The following CEP250 variants were observed in gnomAD, a reference collection of about 807,000 sequenced individuals.
CEP250 encodes the protein centrosomal protein 250.
CEP250 carries 242 observed loss-of-function variants against 315.7 expected under a neutral mutation model. That is an observed-to-expected ratio of 0.77 (90% CI 0.69 to 0.85). The LOEUF is 0.85. Among genes scored for constraint, CEP250 ranks in the 40% least tolerant of loss-of-function variants. The pLI is 0.00. For missense variants in CEP250, 2,515 were observed against 2,886.4 expected (o/e 0.87, Z 2.95); for synonymous variants, 1,088 against 1,175.0 (o/e 0.93, Z 1.51).
chr20:35,460,585 G>A (rs1025045470), intron 3 of CEP250, among the ~76,000 whole-genome samples: 5 of 152,196 alleles, frequency 3.3e-5, no homozygotes, highest in East Asian at 1.9e-4. Flanking sequence ...CTGTCTAAAC[G>A]GGCAGGCACT....
At chr20:35,472,285 G>A in intron 11 of CEP250, 134 bp downstream of exon 11, 1 of 647,528 alleles carries the variant, frequency 1.5e-6, no homozygotes, top group South Asian at 1.8e-5. Flanking sequence ...TGAGTTTTGT[G>A]TGTTTGAAGA....
In CEP250 at chr20:35,473,957, A is replaced by G; in HGVS notation, c.1476A>G (p.Val492=). The change falls in exon 14 of 35, where the codon GTA becomes GTG. Residue 492 remains valine (V), a synonymous_variant. Coordinates refer to ENST00000397527, the MANE Select transcript of CEP250 (RefSeq NM_007186.6). ...AGGAGGCATGGCGCCTGCGAAGGGT[A>G]AATGTGGAGCTTCAGCTGCAGGGGG... ...LEQEAWRLRR[V]NVELQLQGDS... The G allele has an allele frequency of 6.2e-7, 1 of 1,611,230 alleles. No individual in the cohort carries two copies. The highest frequency in any genetic ancestry group is 8.5e-7 in the Non-Finnish European group (1 of 1,179,138).
rs1419946863 is a variant in CEP250 at position 35,504,758 on chromosome 20, A to G, written c.6389A>G (p.Lys2130Arg). ...CTGGAAGCCTTACCCCACAGCCACA[A>G]AACCTCCCCAATGGAGGAACAATCT... ...NNLEALPHSH[K>R]TSPMEEQSLK... The change falls in exon 30 of 35, where the codon AAA becomes AGA. Residue 2130 changes from lysine (K) to arginine (R), a missense_variant. Coordinates refer to ENST00000397527, the MANE Select transcript of CEP250 (RefSeq NM_007186.6). The G allele has an allele frequency of 6.2e-7, 1 of 1,614,200 alleles. No individual in the cohort carries two copies. The highest frequency in any genetic ancestry group is 1.7e-5 in the Admixed American group (1 of 60,030).
At position 35,503,347 on chromosome 20, in the gene CEP250, C is replaced by A. The variant is rs551222580; in HGVS notation, c.4978C>A (p.Leu1660Met). 1 of 1,614,070 alleles carries A rather than the reference C, an allele frequency of 6.2e-7. No homozygotes were observed. Among genetic ancestry groups the A allele is most frequent in the Non-Finnish European group, 8.5e-7 (1 of 1,180,018 alleles). Residue 1660 changes from leucine to methionine, a missense_variant, in exon 30 of 35, where the codon CTG (leucine) becomes ATG (methionine). Transcript: ENST00000397527. This position sits in a 1 kb window ranked among gnomAD's most constrained non-coding sequence, Gnocchi z 4.2. The part of the protein sequence containing the change: ...TQDLERRDQE[L>M]MLQKERIQVL... ...GGATCTCGAGAGGAGAGACCAGGAG[C>A]TGATGCTGCAGAAGGAGAGGATTCA...
Position 35,508,342 on chromosome 20 carries a change from C to G in CEP250, c.6906+152C>G. 7 of 811,692 alleles carry G rather than the reference C, an allele frequency of 8.6e-6. No homozygotes were observed. In the South Asian group the frequency reaches 1.2e-4, roughly 14 times the overall value. 50.3% of individuals were successfully genotyped at this position (811,692 alleles called of 1,614,324 possible). ...GTTTTTTTTTTTCCCGAGACAGAGT[C>G]TTGCTCTGTCTCCTAGAGCTGGAGT... On this transcript the variant is annotated intron_variant, in intron 32 of 34. Transcript: ENST00000397527.
chr20:35,495,436 C>T (rs146120777), intron 24 of CEP250, among the ~76,000 whole-genome samples: 5 of 152,316 alleles, frequency 3.3e-5, no homozygotes, highest in African/African-American at 7.2e-5. Context: ...GAGTGAAGAG[C>T]AGCTTGTATT....
At position 35,511,522 on chromosome 20, in the gene CEP250, G is replaced by A; in HGVS notation, c.7225G>A (p.Ala2409Thr). 6.2e-7 allele frequency: 1 copy of A among 1,614,116 alleles called. No homozygotes were observed. The highest frequency in any genetic ancestry group is 1.3e-5 in the African/African-American group (1 of 75,038). The change falls in exon 35 of 35, where the codon GCA becomes ACA. Residue 2409 changes from alanine (A) to threonine (T), a missense_variant. Ala to Thr is a moderately conservative substitution (Grantham distance 58). Transcript: ENST00000397527. ...AQAPEATVLE[A>T]ETRRLDESLT... ...GGCCCCTGAGGCCACTGTCCTGGAGGCAGAGACCCGCAGGCTGGATGAGTC... is the reference window on the plus strand; with the variant it reads ...GGCCCCTGAGGCCACTGTCCTGGAGACAGAGACCCGCAGGCTGGATGAGTC...
In CEP250 at chr20:35,478,574, A is replaced by G. The variant is rs2063241569; in HGVS notation, c.2094+473A>G. Among the ~76,000 whole-genome samples the G allele has an allele frequency of 2.0e-5, 3 of 152,306 alleles. No individual in the cohort carries two copies. The South Asian group carries it at 6.2e-4, about 32-fold the overall frequency. On this transcript the variant is annotated intron_variant, in intron 17 of 34. Coordinates refer to ENST00000397527, the MANE Select transcript of CEP250 (RefSeq NM_007186.6). ...AGCGACACTGCTCAAAAAAACAAAA[A>G]GAATTCTTCACTGATTCTCCACTAC... is the stretch of plus-strand genomic sequence containing the variant.
At position 35,511,547 on chromosome 20, in the gene CEP250, CCCTGA is replaced by C; in HGVS notation, c.7252_7256del (p.Leu2418SerfsTer87). ...GCAGAGACCCGCAGGCTGGATGAGT[CCCTGA>C]CTCAAAGTCTGACATCCCCAGGGCC... On this transcript the variant is annotated frameshift_variant, in exon 35 of 35. Transcript: ENST00000397527. LOFTEE classifies it high-confidence loss of function. The C allele has an allele frequency of 6.2e-7, 1 of 1,614,064 alleles. No individual in the cohort carries two copies.
chr20:35,508,265 T>G, intron 32 of CEP250, 75 bp downstream of exon 32: 1 of 1,504,830 alleles, frequency 6.6e-7, no homozygotes, highest in South Asian at 1.2e-5. Context: ...CTCAGTAAAT[T>G]ACAGCCTGTG....
At chr20:35,506,784 A>G (rs1601315482) in intron 30 of CEP250, among the ~76,000 whole-genome samples, 1 of 152,318 alleles carries the variant, frequency 6.6e-6, no homozygotes, top group East Asian at 1.9e-4. Flanking sequence ...CTCATCAGTA[A>G]TATAGGCATT....
chr20:35,507,519 TC>T (rs1211193055), intron 30 of CEP250, among the ~76,000 whole-genome samples: 2 of 150,326 alleles, frequency 1.3e-5, no homozygotes, highest in Non-Finnish European at 3.0e-5. Flanking sequence ...GATCCTAGCT[TC>T]CTTGCTAGCT....
chr20:35,511,659 T>G lies in CEP250; in HGVS notation c.*33T>G. 6.3e-7 allele frequency: 1 copy of G among 1,591,856 alleles called. No homozygotes were observed. Among genetic ancestry groups the G allele is most frequent in the Non-Finnish European group, 8.6e-7 (1 of 1,167,202 alleles). ...AGCCAGGAGCACACAGACAGAAGAC[T>G]GTGTCATGGGTCATGGCCCCTCCGC... On this transcript the variant is annotated 3_prime_UTR_variant, in exon 35 of 35. Transcript: ENST00000397527.
At chr20:35,494,109 G>A (rs2063770717) in intron 23 of CEP250, among the ~76,000 whole-genome samples, 1 of 152,048 alleles carries the variant, frequency 6.6e-6, no homozygotes, top group Non-Finnish European at 1.5e-5. Flanking sequence ...CTGAGTAGCT[G>A]GGACTACAGA....
chr20:35,479,727 G>A lies in CEP250; in HGVS notation c.2370G>A (p.Leu790=), dbSNP rs2063286789. The A allele has an allele frequency of 1.2e-6, 2 of 1,614,074 alleles. No individual in the cohort carries two copies. Among genetic ancestry groups the A allele is most frequent in the Non-Finnish European group, 1.7e-6 (2 of 1,180,046 alleles). Reference sequence around the variant, plus strand: ...TGATAGAGGTCACCAAGGGGCAGCTGGAGGTCCAGATTCAAACTGTCACTC... The same window carrying A: ...TGATAGAGGTCACCAAGGGGCAGCTAGAGGTCCAGATTCAAACTGTCACTC... ...NSVIEVTKGQ[L]EVQIQTVTQA... is the part of the protein sequence containing the mutation. The change falls in exon 19 of 35, where the codon CTG becomes CTA. Residue 790 remains leucine (L), a synonymous_variant. Transcript: ENST00000397527.
chr20:35,467,915 C>A (rs1304991393), intron 9 of CEP250, among the ~76,000 whole-genome samples: 1 of 151,508 alleles, frequency 6.6e-6, no homozygotes, highest in Non-Finnish European at 1.5e-5. Flanking sequence ...TCTGCCTTAT[C>A]CTCTAAGACA....
chr20:35,509,303 A>G (rs967024224), intron 33 of CEP250, among the ~76,000 whole-genome samples: 5 of 152,180 alleles, frequency 3.3e-5, no homozygotes, highest in Admixed American at 6.5e-5. Flanking sequence ...GACCAGTGCC[A>G]CAGGCTGGCC....
chr20:35,467,498 A>T lies in CEP250; in HGVS notation c.794A>T (p.Gln265Leu), dbSNP rs750545272. 2 of 1,614,180 alleles carry T rather than the reference A, an allele frequency of 1.2e-6. No individual in the cohort carries two copies. Among genetic ancestry groups the T allele is most frequent in the Admixed American group, 3.3e-5 (2 of 60,024 alleles). The change falls in exon 9 of 35, where the codon CAG becomes CTG. Residue 265 changes from glutamine (Q) to leucine (L), a missense_variant. Physicochemically the swap from Gln to Leu is moderately radical, Grantham distance 113. Coordinates refer to ENST00000397527, the MANE Select transcript of CEP250 (RefSeq NM_007186.6). ...GAGAAGGAAGCCCATGAAAGGAGCC[A>T]GGAGTTAATACAGCTGAAGAGTCAA... ...ELEKEAHERS[Q>L]ELIQLKSQGD...
At position 35,462,315 on chromosome 20, in the gene CEP250, G is replaced by A. The variant is rs1024060283; in HGVS notation, c.-53G>A. 1.3e-5 allele frequency: 19 copies of A among 1,463,910 alleles called. No individual in the cohort carries two copies. The highest frequency in any genetic ancestry group is 7.0e-5 in the African/African-American group (5 of 70,924). The allele number at this position is 1,463,910 out of a possible 1,614,324, so 90.7% of individuals were successfully genotyped here. A position where few individuals can be genotyped will look rare whatever the true frequency, so the allele number is the denominator to read the frequency against. On this transcript the variant is annotated 5_prime_UTR_variant, in exon 4 of 35. The change creates a new upstream start codon in the 5' untranslated region. Coordinates refer to ENST00000397527, the MANE Select transcript of CEP250 (RefSeq NM_007186.6). ...GCAATGGTTAGAGACCCTGCTGGGCGTGAACACCCTCTGGCTACCTAGGGA... is the reference window on the plus strand; with the variant it reads ...GCAATGGTTAGAGACCCTGCTGGGCATGAACACCCTCTGGCTACCTAGGGA...
Sources: gnomAD v4.1 joint callset for allele counts (sites outside exome capture counted in the v4.1 genomes callset) on GRCh38, gnomAD v4.1.1 for gene constraint, Gnocchi (gnomAD v3.1) non-coding constraint, MANE v1.5 for transcripts, NCBI Gene and HGNC (gene_info 2026-07-23, HGNC 2026-07-21) for gene names.